The following RPS6KC1 variants were observed in gnomAD, a reference collection of about 807,000 sequenced individuals.
RPS6KC1 encodes the protein ribosomal protein S6 kinase C1.
In RPS6KC1, 54 loss-of-function variants were observed where a neutral mutation model predicts 103.8. The observed-to-expected ratio is 0.52, with a 90% CI of 0.42 to 0.65. The LOEUF (loss-of-function observed/expected upper bound fraction) is 0.65, where lower values mean the gene tolerates loss of function less well. RPS6KC1 is among the 30% of genes least tolerant of loss of function. The pLI, the probability that RPS6KC1 is intolerant of heterozygous loss-of-function variation, is 0.00. For missense variants in RPS6KC1, 1,151 were observed against 1,253.8 expected (o/e 0.92, Z 1.24); for synonymous variants, 439 against 438.7 (o/e 1.00, Z -0.01).
chr1:213,335,531 G>A, the RPS6KC1 span, among the ~76,000 whole-genome samples: 1 of 152,322 alleles, frequency 6.6e-6, no homozygotes, highest in Admixed American at 6.5e-5. Flanking sequence ...GGACAGAAGG[G>A]CAGAAGAAGA....
the RPS6KC1 span, among the ~76,000 whole-genome samples, chr1:213,749,980 C>CAA: frequency 1.3e-5 from 2 of 152,226 alleles, no homozygotes; most frequent in Non-Finnish European, 2.9e-5. Context: ...GCTGCTTAGA[C>CAA]AAAGCCTGAC....
At chr1:213,456,021 C>G in the RPS6KC1 span, among the ~76,000 whole-genome samples, 1 of 152,110 alleles carries the variant, frequency 6.6e-6, no homozygotes, top group African/African-American at 2.4e-5. Context: ...CCCCTCATGC[C>G]CTTACAACTG....
chr1:213,367,996 T>TACA, the RPS6KC1 span, among the ~76,000 whole-genome samples: 3 of 152,358 alleles, frequency 2.0e-5, no homozygotes, highest in Admixed American at 2.0e-4. Context: ...TCTTAATCTG[T>TACA]GAGAGGCATT....
the RPS6KC1 span, among the ~76,000 whole-genome samples, chr1:213,588,044 T>A: frequency 6.6e-6 from 1 of 152,166 alleles, no homozygotes; most frequent in Non-Finnish European, 1.5e-5. Flanking sequence ...TGGCCCTTTG[T>A]CTTCACGTGG....
At chr1:213,173,280 C>CT (rs2091619624) in intron 7 of RPS6KC1, among the ~76,000 whole-genome samples, 1 of 152,120 alleles carries the variant, frequency 6.6e-6, no homozygotes, top group Admixed American at 6.5e-5. Flanking sequence ...TGATCTCAAA[C>CT]TTTTATAGAT....
chr1:213,568,141 A>G, the RPS6KC1 span, among the ~76,000 whole-genome samples: 1 of 152,234 alleles, frequency 6.6e-6, no homozygotes, highest in Admixed American at 6.5e-5. Flanking sequence ...ACTTGCTGTT[A>G]ATAATAAATC....
chr1:213,132,560 A>G (rs545509725), intron 6 of RPS6KC1, among the ~76,000 whole-genome samples: 5 of 152,248 alleles, frequency 3.3e-5, no homozygotes, highest in East Asian at 3.9e-4. Flanking sequence ...TTGTCCTTCA[A>G]TTTCTGGGGA....
the RPS6KC1 span, among the ~76,000 whole-genome samples, chr1:213,614,308 G>T: frequency 1.3e-5 from 2 of 152,220 alleles, no homozygotes; most frequent in Non-Finnish European, 2.9e-5. Context: ...AGGGCAAGAA[G>T]TTTTGAGAGT....
intron 8 of RPS6KC1, among the ~76,000 whole-genome samples, chr1:213,204,361 A>G (rs2093272314): frequency 2.0e-5 from 3 of 152,090 alleles, no homozygotes; most frequent in Admixed American, 1.3e-4. Flanking sequence ...ATTTTCCTTT[A>G]TGGTTTGCCT....
chr1:213,662,414 A>G, the RPS6KC1 span, among the ~76,000 whole-genome samples: 1 of 148,356 alleles, frequency 6.7e-6, no homozygotes, highest in Non-Finnish European at 1.5e-5. Flanking sequence ...GGCATGTGCC[A>G]TCACACCTGG....
intron 8 of RPS6KC1, among the ~76,000 whole-genome samples, chr1:213,216,665 A>G (rs2093671887): frequency 6.6e-6 from 1 of 152,222 alleles, no homozygotes; most frequent in South Asian, 2.1e-4. Flanking sequence ...AATTATAACA[A>G]ACTGTCTCTC....
chr1:213,545,451 G>T, the RPS6KC1 span, among the ~76,000 whole-genome samples: 1 of 144,934 alleles, frequency 6.9e-6, no homozygotes, highest in Non-Finnish European at 1.5e-5. Flanking sequence ...GAGAGAGAGA[G>T]AATCTATTTC....
At chr1:213,119,322 C>T (rs1572652974) in intron 5 of RPS6KC1, among the ~76,000 whole-genome samples, 1 of 150,584 alleles carries the variant, frequency 6.6e-6, no homozygotes, top group East Asian at 2.0e-4. Context: ...TGGCTGGTGC[C>T]TGTAATCCCA....
In RPS6KC1 at chr1:213,215,402, T is replaced by C. The variant is rs892409855; in HGVS notation, c.1045-15095T>C. Among the ~76,000 whole-genome samples the C allele has an allele frequency of 3.3e-5, 5 of 152,332 alleles. No homozygotes were observed. In the South Asian group the frequency reaches 6.2e-4, roughly 19 times the overall value. On this transcript the variant is annotated intron_variant, in intron 8 of 14. Transcript: ENST00000366960. ...GGGAAAAGACCAAATGTACGTCTGA[T>C]TGGTGTACCTGAAAGTGACGGGGAG...
the RPS6KC1 span, among the ~76,000 whole-genome samples, chr1:213,527,348 G>C: frequency 2.6e-5 from 4 of 152,156 alleles, no homozygotes; most frequent in Non-Finnish European, 5.9e-5. Context: ...CAAATATATA[G>C]AGCCGAGAGG....
chr1:213,253,204 G>A (rs1452706859), intron 12 of RPS6KC1, among the ~76,000 whole-genome samples: 1 of 152,082 alleles, frequency 6.6e-6, no homozygotes, highest in African/African-American at 2.4e-5. Context: ...TTATGGACTT[G>A]TCTCTGGGAA....
chr1:213,244,524 TA>T (rs552688174), intron 12 of RPS6KC1, among the ~76,000 whole-genome samples: 220 of 152,288 alleles, frequency 1.4e-3, no homozygotes, highest in African/African-American at 5.0e-3. Flanking sequence ...AAACTATCTG[TA>T]AATTTGTGCT....
the RPS6KC1 span, among the ~76,000 whole-genome samples, chr1:213,577,009 C>T: frequency 6.6e-6 from 1 of 152,298 alleles, no homozygotes; most frequent in South Asian, 2.1e-4. Context: ...TTCCCTTAAG[C>T]CAAAGCCTAA....
At chr1:213,059,547 C>T (rs1257020564) in intron 1 of RPS6KC1, among the ~76,000 whole-genome samples, 1 of 152,166 alleles carries the variant, frequency 6.6e-6, no homozygotes, top group African/African-American at 2.4e-5. Flanking sequence ...CAGAGTCTCA[C>T]TTGTCATCCA....
Sources: allele counts gnomAD v4.1 joint callset (sites outside exome capture counted in the v4.1 genomes callset), GRCh38; gene constraint gnomAD v4.1.1; transcripts MANE v1.5; gene names NCBI Gene and HGNC (gene_info 2026-07-23, HGNC 2026-07-21).